The following NNT variants were observed in gnomAD, a reference collection of about 807,000 sequenced individuals.
NNT encodes nicotinamide nucleotide transhydrogenase.
Under a neutral mutation model 104.8 loss-of-function variants are expected in NNT, and 50 were observed. The ratio of observed to expected loss-of-function variants is 0.48; its 90% CI spans 0.38 to 0.60. NNT has a LOEUF of 0.60. Ranked by LOEUF, NNT falls within the 20% of genes least tolerant of loss-of-function variation. The pLI is 0.00. For synonymous variants in NNT, 461 were observed against 490.4 expected, an observed-to-expected ratio of 0.94 and a Z score of 0.79; for missense variants, 1,131 against 1,330.7, an observed-to-expected ratio of 0.85 and a Z score of 2.33.
At chr5:43,704,227 A>T (rs749656684) in intron 21 of NNT, 28 bp from the exon 22 acceptor site, 47 of 1,527,094 alleles carry the variant, frequency 3.1e-5, no homozygotes, top group Non-Finnish European at 3.8e-5. Flanking sequence ...TGTTAAATAC[A>T]CTCTCTCATT....
intron 20 of NNT, among the ~76,000 whole-genome samples, chr5:43,701,837 C>T (rs189917420): frequency 2.6e-5 from 4 of 151,986 alleles, no homozygotes; most frequent in African/African-American, 4.8e-5. Flanking sequence ...TTAGTGATGT[C>T]GAACATTTCT....
At chr5:43,673,624 T>C (rs768432264) in intron 17 of NNT, among the ~76,000 whole-genome samples, 4 of 152,216 alleles carry the variant, frequency 2.6e-5, no homozygotes, top group Non-Finnish European at 4.4e-5. Context: ...ACGTCTCAGA[T>C]GTGGCTATTT....
At chr5:43,628,170 C>T (rs545923662) in intron 6 of NNT, 30 bp from the exon 7 acceptor site, 2 of 1,484,474 alleles carry the variant, frequency 1.3e-6, no homozygotes, top group East Asian at 2.5e-5. Flanking sequence ...CCTGAAATAA[C>T]TACTCTTTCC....
chr5:43,615,682 C>G (rs982504679), intron 3 of NNT, among the ~76,000 whole-genome samples, 166 bp from the exon 4 acceptor site: 3 of 152,086 alleles, frequency 2.0e-5, no homozygotes, highest in African/African-American at 4.8e-5. Context: ...TGGTATACCT[C>G]TGTGTGTGCC....
chr5:43,632,322 C>CT lies in NNT; in HGVS notation c.964+3936dup, dbSNP rs538955983. Among the ~76,000 whole-genome samples, 30 of 152,252 alleles carry CT rather than the reference C, an allele frequency of 2.0e-4. No individual in the cohort carries two copies. In the East Asian group the frequency reaches 5.2e-3, roughly 26 times the overall value. On this transcript the variant is annotated intron_variant, in intron 7 of 21. Transcript: ENST00000344920. ...AATTCTCTAAGCTAAGATTTATAGA[C>CT]TGAGATCCCTGGAAGGCTGGACTGA...
chr5:43,701,258 A>C (rs1445591315), intron 20 of NNT, among the ~76,000 whole-genome samples: 1 of 152,108 alleles, frequency 6.6e-6, no homozygotes, highest in African/African-American at 2.4e-5. Flanking sequence ...GGTAGTCTCC[A>C]GGTTCTATTG....
At chr5:43,621,429 A>G (rs1293109890) in intron 5 of NNT, among the ~76,000 whole-genome samples, 1 of 152,228 alleles carries the variant, frequency 6.6e-6, no homozygotes. Context: ...GCATTGTTCT[A>G]GGAGCTGGGG....
intron 7 of NNT, among the ~76,000 whole-genome samples, chr5:43,642,196 G>A (rs1751272825): frequency 6.6e-6 from 1 of 152,164 alleles, no homozygotes; most frequent in African/African-American, 2.4e-5. Flanking sequence ...TAGAGAAGAG[G>A]CTCTGGCCCT....
intron 17 of NNT, among the ~76,000 whole-genome samples, chr5:43,673,902 C>A (rs913380255): frequency 1.3e-5 from 2 of 151,988 alleles, no homozygotes; most frequent in African/African-American, 4.8e-5. Context: ...CACCTGTAAT[C>A]CCCACTACTC....
At chr5:43,631,969 GAAAAAAAAA>G (rs34558570) in intron 7 of NNT, among the ~76,000 whole-genome samples, 1 of 102,894 alleles carries the variant, frequency 9.7e-6, no homozygotes, top group African/African-American at 3.5e-5. Context: ...TTTCTTTTGG[GAAAAAAAAA>G]AAAAAAAAAA....
intron 3 of NNT, chr5:43,613,755 AGAT>A (rs1749628128): frequency 6.6e-6 from 1 of 152,266 alleles, no homozygotes; most frequent in Admixed American, 6.5e-5. Context: ...GGTCTAGCAC[AGAT>A]GATAACTAGA....
chr5:43,615,379 T>G (rs1237395316), intron 3 of NNT, among the ~76,000 whole-genome samples: 1 of 152,242 alleles, frequency 6.6e-6, no homozygotes, highest in Non-Finnish European at 1.5e-5. Context: ...AGTTTTAGTT[T>G]ATGATGTTCT....
rs181621264 is a variant in NNT at position 43,647,677 on chromosome 5, T to A, written c.1445-1470T>A. ...CTGACATACGTTACTAAATATATTA[T>A]AGAAAATACATTAGTTTATTGAATA... On this transcript the variant is annotated intron_variant, in intron 10 of 21. Coordinates refer to ENST00000344920, the MANE Select transcript of NNT (RefSeq NM_182977.3). Among the ~76,000 whole-genome samples the A allele has an allele frequency of 3.7e-3, 568 of 152,326 alleles. 2 individuals are homozygous for A. Among genetic ancestry groups the A allele is most frequent in the Admixed American group, 5.8e-3 (88 of 15,304 alleles).
intron 17 of NNT, among the ~76,000 whole-genome samples, chr5:43,671,029 A>G (rs1400245100): frequency 6.6e-6 from 1 of 152,142 alleles, no homozygotes; most frequent in Admixed American, 6.5e-5. Context: ...TCCCTTTACC[A>G]TTATGTAATG....
intron 19 of NNT, among the ~76,000 whole-genome samples, chr5:43,697,324 A>G (rs1392259443): frequency 6.6e-6 from 1 of 152,152 alleles, no homozygotes; most frequent in Non-Finnish European, 1.5e-5. Context: ...CCAGTTCCCA[A>G]CAAGTTCCTC....
At chr5:43,621,378 T>C (rs1047052260) in intron 5 of NNT, among the ~76,000 whole-genome samples, 74 of 152,144 alleles carry the variant, frequency 4.9e-4, no homozygotes, top group Non-Finnish European at 1.5e-4. Context: ...CTGGCCTAGA[T>C]TGAATGAAAA....
At chr5:43,680,126 CAT>C (rs1491240338) in intron 19 of NNT, among the ~76,000 whole-genome samples, 3 of 151,708 alleles carry the variant, frequency 2.0e-5, no homozygotes, top group Admixed American at 1.3e-4. Flanking sequence ...AGCAGATCAT[CAT>C]ATTTTTCTGT....
chr5:43,682,421 G>A (rs570912381), intron 19 of NNT, among the ~76,000 whole-genome samples: 15 of 152,064 alleles, frequency 9.9e-5, no homozygotes, highest in Non-Finnish European at 1.5e-5. Context: ...ATGTTGGCCA[G>A]GCTGGTCTCA....
intron 17 of NNT, among the ~76,000 whole-genome samples, chr5:43,659,990 CTT>C (rs535815659): frequency 7.0e-4 from 106 of 152,224 alleles, no homozygotes; most frequent in African/African-American, 2.3e-3. Context: ...TTTAAAAAAA[CTT>C]ATATACTATA....
Sources: allele counts gnomAD v4.1 joint callset (sites outside exome capture counted in the v4.1 genomes callset), GRCh38; gene constraint gnomAD v4.1.1; transcripts MANE v1.5; gene names NCBI Gene and HGNC (gene_info 2026-07-23, HGNC 2026-07-21).